Variants in APBA2 observed in about 807,000 individuals in gnomAD.
APBA2 encodes amyloid beta precursor protein binding family A member 2, also known as amyloid-beta A4 precursor protein-binding family A member 2.
APBA2 carries 30 observed loss-of-function variants against 75.0 expected under a neutral mutation model. That is an observed-to-expected ratio of 0.40 (90% CI 0.30 to 0.54). APBA2 has a LOEUF of 0.54. Among genes scored for constraint, APBA2 ranks in the 20% least tolerant of loss-of-function variants. The pLI is 0.49. For synonymous variants in APBA2, 444 were observed against 409.6 expected (o/e 1.08, Z -1.01); for missense variants, 801 against 1,016.1 (o/e 0.79, Z 2.88).
At chr15:29,035,909 A>G (rs1173328184) in intron 3 of APBA2, among the ~76,000 whole-genome samples, 1 of 152,188 alleles carries the variant, frequency 6.6e-6, no homozygotes, top group Non-Finnish European at 1.5e-5. Context: ...GAAGCTGAAT[A>G]TGGACCCCTC....
intron 2 of APBA2, among the ~76,000 whole-genome samples, chr15:28,926,557 A>G (rs990173759): frequency 4.6e-5 from 7 of 152,216 alleles, no homozygotes; most frequent in Non-Finnish European, 7.3e-5. Context: ...TTATTTTTAT[A>G]TCAAATAAGA....
chr15:29,030,032 G>A (rs377488525), intron 3 of APBA2, among the ~76,000 whole-genome samples: 1 of 152,200 alleles, frequency 6.6e-6, no homozygotes, highest in African/African-American at 2.4e-5. Context: ...CAACAGGTGT[G>A]GCCCCAACAA....
chr15:28,894,510 C>A (rs1178346714), intron 1 of APBA2, among the ~76,000 whole-genome samples: 1 of 152,102 alleles, frequency 6.6e-6, no homozygotes, highest in Middle Eastern at 3.2e-3. Context: ...GGTGGGTTTA[C>A]CCCTTCAGAG....
intron 1 of APBA2, among the ~76,000 whole-genome samples, chr15:28,893,663 G>C (rs529519596): frequency 2.6e-5 from 4 of 152,252 alleles, no homozygotes; most frequent in African/African-American, 9.6e-5. Flanking sequence ...CTAAGGTTCA[G>C]GTACTTGGAG....
At chr15:29,016,434 T>C (rs1285912985) in intron 3 of APBA2, among the ~76,000 whole-genome samples, 2 of 152,296 alleles carry the variant, frequency 1.3e-5, no homozygotes, top group African/African-American at 4.8e-5. Context: ...CACTTCCTGG[T>C]CCTGATGTTC....
At chr15:29,068,256 C>G (rs2042463337) in intron 4 of APBA2, among the ~76,000 whole-genome samples, 1 of 152,194 alleles carries the variant, frequency 6.6e-6, no homozygotes, top group African/African-American at 2.4e-5. Flanking sequence ...GGGCTTCTTG[C>G]TTTTAAGTTA....
chr15:29,091,507 C>A (rs751983690), intron 6 of APBA2, among the ~76,000 whole-genome samples: 10 of 152,040 alleles, frequency 6.6e-5, no homozygotes, highest in East Asian at 1.9e-4. Flanking sequence ...CTGAGTTTCC[C>A]AGAGAGATAG....
chr15:29,024,111 C>G (rs912079567), intron 3 of APBA2, among the ~76,000 whole-genome samples: 2 of 152,002 alleles, frequency 1.3e-5, no homozygotes, highest in Admixed American at 6.5e-5. Flanking sequence ...ACCATGTTAG[C>G]CAGGCTGGTC....
intron 3 of APBA2, among the ~76,000 whole-genome samples, chr15:29,039,693 C>T (rs568995572): frequency 1.3e-5 from 2 of 152,268 alleles, no homozygotes; most frequent in South Asian, 2.1e-4. Context: ...CTGATGATGT[C>T]AAGCCTAGCT....
chr15:28,935,355 C>A (rs1446426083), intron 2 of APBA2, among the ~76,000 whole-genome samples: 1 of 152,092 alleles, frequency 6.6e-6, no homozygotes, highest in South Asian at 2.1e-4. Flanking sequence ...GGAGTGGGAA[C>A]CTGCAGTTTA....
chr15:29,115,755 C>CCGGGAG (rs1408920662), intron 14 of APBA2, among the ~76,000 whole-genome samples: 2 of 152,198 alleles, frequency 1.3e-5, no homozygotes, highest in East Asian at 1.9e-4. Context: ...GAAGCCCCTG[C>CCGGGAG]CGGGAGCAGG....
At chr15:29,111,402 G>A (rs2044722148) in intron 13 of APBA2, among the ~76,000 whole-genome samples, 1 of 152,082 alleles carries the variant, frequency 6.6e-6, no homozygotes, top group South Asian at 2.1e-4. Flanking sequence ...CGAGGAGAGG[G>A]GCAAATGCTG....
At chr15:28,979,015 C>T (rs139446083) in intron 2 of APBA2, among the ~76,000 whole-genome samples, 41 of 152,312 alleles carry the variant, frequency 2.7e-4, no homozygotes, top group African/African-American at 9.4e-4. Flanking sequence ...CTGGCTACAA[C>T]GGGTCCCCAG....
At chr15:28,945,938 G>A (rs1308957463) in intron 2 of APBA2, among the ~76,000 whole-genome samples, 1 of 152,210 alleles carries the variant, frequency 6.6e-6, no homozygotes, top group African/African-American at 2.4e-5. Context: ...GTGTATGAGG[G>A]TTCCGCCTCA....
chr15:29,113,752 A>G, intron 13 of APBA2, 124 bp from the exon 14 acceptor site: 1 of 1,228,386 alleles, frequency 8.1e-7, no homozygotes, highest in Non-Finnish European at 1.2e-6. Context: ...GAGTCAGCGA[A>G]TTGCACGTGC....
chr15:29,076,129 G>T, intron 6 of APBA2, 38 bp downstream of exon 6: 1 of 1,606,212 alleles, frequency 6.2e-7, no homozygotes, highest in Non-Finnish European at 8.5e-7. Context: ...AGGGGCAGTT[G>T]CATTTTACAT....
At chr15:28,935,939 C>T (rs1046104054) in intron 2 of APBA2, among the ~76,000 whole-genome samples, 1 of 152,038 alleles carries the variant, frequency 6.6e-6, no homozygotes, top group African/African-American at 2.4e-5. Flanking sequence ...ATTCCCACAC[C>T]AGAGTGGTGA....
intron 2 of APBA2, among the ~76,000 whole-genome samples, chr15:28,947,454 A>G (rs2035609461): frequency 6.6e-6 from 1 of 152,200 alleles, no homozygotes; most frequent in African/African-American, 2.4e-5. Flanking sequence ...TCAGGGAGCC[A>G]TCACCTGTCC....
At chr15:28,925,956 G>A (rs1221139967) in intron 2 of APBA2, among the ~76,000 whole-genome samples, 1 of 151,950 alleles carries the variant, frequency 6.6e-6, no homozygotes, top group Non-Finnish European at 1.5e-5. Context: ...AATTTTCCTT[G>A]GTTGGTAGTC....
Sources: allele counts gnomAD v4.1 joint callset (sites outside exome capture counted in the v4.1 genomes callset), GRCh38; gene constraint gnomAD v4.1.1; transcripts MANE v1.5; gene names NCBI Gene and HGNC (gene_info 2026-07-23, HGNC 2026-07-21).